WWOX: variants seen among roughly 807,000 people sequenced by gnomAD.
The protein encoded by WWOX is WW domain-containing oxidoreductase.
WWOX carries 69 observed loss-of-function variants against 46.2 expected under a neutral mutation model. That is an observed-to-expected ratio of 1.49 (90% CI 1.23 to 1.82). The LOEUF is 1.82. WWOX is among the 40% of genes most tolerant of loss of function. The pLI, the probability that WWOX is intolerant of heterozygous loss-of-function variation, is 0.00. For missense variants in WWOX, 919 were observed against 542.6 expected, an observed-to-expected ratio of 1.69 and a Z score of -6.89; for synonymous variants, 359 against 202.6, an observed-to-expected ratio of 1.77 and a Z score of -6.56.
intron 8 of WWOX, among the ~76,000 whole-genome samples, chr16:78,457,151 C>A (rs1186104121): frequency 1.3e-5 from 2 of 152,198 alleles, no homozygotes; most frequent in Non-Finnish European, 2.9e-5. Context: ...TCTGTGTCTG[C>A]ACCCTTTTTT....
chr16:78,303,945 C>G (rs981092015), intron 5 of WWOX, among the ~76,000 whole-genome samples: 6 of 152,210 alleles, frequency 3.9e-5, no homozygotes, highest in East Asian at 1.9e-4. Flanking sequence ...TGAATCTATA[C>G]GCAATTCTAG....
intron 8 of WWOX, among the ~76,000 whole-genome samples, chr16:78,509,908 T>G (rs886129589): frequency 7.1e-6 from 1 of 140,016 alleles, no homozygotes. Context: ...GGCAACATAG[T>G]GAGACCTCAT....
At chr16:79,090,273 C>CTG (rs777373628) in intron 8 of WWOX, among the ~76,000 whole-genome samples, 10 of 119,024 alleles carry the variant, frequency 8.4e-5, no homozygotes, top group East Asian at 5.1e-4. Context: ...ACAGATTCTA[C>CTG]TGTGTGCGTG....
chr16:78,313,457 C>T (rs1029743484), intron 5 of WWOX, among the ~76,000 whole-genome samples: 3 of 152,200 alleles, frequency 2.0e-5, no homozygotes, highest in South Asian at 4.1e-4. Context: ...AGCTCTGCCT[C>T]CCGTTTAAAG....
At chr16:78,735,613 C>T (rs1479221213) in intron 8 of WWOX, among the ~76,000 whole-genome samples, 2 of 152,242 alleles carry the variant, frequency 1.3e-5, no homozygotes, top group African/African-American at 2.4e-5. Context: ...TGGGCCTGCC[C>T]TGTACATGAG....
At chr16:78,654,316 A>G (rs1356321602) in intron 8 of WWOX, among the ~76,000 whole-genome samples, 4 of 152,260 alleles carry the variant, frequency 2.6e-5, no homozygotes, top group Non-Finnish European at 4.4e-5. Context: ...TTGTAAAAAT[A>G]TAAAATAATC....
intron 8 of WWOX, among the ~76,000 whole-genome samples, chr16:78,974,957 G>C (rs1356414418): frequency 6.6e-6 from 1 of 152,184 alleles, no homozygotes; most frequent in African/African-American, 2.4e-5. Flanking sequence ...CGGACCCAAA[G>C]GGAGATGGAC....
chr16:79,200,759 G>T (rs889910852), intron 8 of WWOX, among the ~76,000 whole-genome samples: 1 of 152,174 alleles, frequency 6.6e-6, no homozygotes, highest in South Asian at 2.1e-4. Context: ...TAGAAATGGT[G>T]AAAGGACTGG....
At chr16:78,640,901 T>C (rs1423630245) in intron 8 of WWOX, among the ~76,000 whole-genome samples, 3 of 144,910 alleles carry the variant, frequency 2.1e-5, no homozygotes, top group African/African-American at 7.7e-5. Flanking sequence ...ATCATGCCAC[T>C]GCACTCCAGT....
At chr16:79,025,088 A>G (rs555799368) in intron 8 of WWOX, among the ~76,000 whole-genome samples, 70 of 151,596 alleles carry the variant, frequency 4.6e-4, no homozygotes, top group African/African-American at 1.6e-3. Flanking sequence ...TTCCACTCCC[A>G]AGAGCAGTGA....
At chr16:78,863,023 A>T (rs890120931) in intron 8 of WWOX, among the ~76,000 whole-genome samples, 2 of 150,418 alleles carry the variant, frequency 1.3e-5, no homozygotes, top group Non-Finnish European at 3.0e-5. Context: ...CAGTGGTGCA[A>T]CCTTGGCTCA....
At chr16:78,579,737 A>G (rs959183058) in intron 8 of WWOX, among the ~76,000 whole-genome samples, 2 of 152,212 alleles carry the variant, frequency 1.3e-5, no homozygotes, top group Admixed American at 6.5e-5. Context: ...TTTAGAGAAA[A>G]CAAATATCAT....
At chr16:78,965,520 A>T (rs929157610) in intron 8 of WWOX, among the ~76,000 whole-genome samples, 1 of 151,710 alleles carries the variant, frequency 6.6e-6, no homozygotes, top group Non-Finnish European at 1.5e-5. Context: ...CAGTGAGCCG[A>T]GATGGCACCA....
chr16:78,686,849 C>T (rs754444292), intron 8 of WWOX, among the ~76,000 whole-genome samples: 7 of 152,274 alleles, frequency 4.6e-5, no homozygotes, highest in East Asian at 3.9e-4. Context: ...TCGAAACTCA[C>T]CCAGGAAGGC....
intron 8 of WWOX, among the ~76,000 whole-genome samples, chr16:79,027,572 C>G (rs1334707344): frequency 6.6e-6 from 1 of 151,734 alleles, no homozygotes; most frequent in African/African-American, 2.4e-5. Context: ...ATCAGCCTGT[C>G]ATTTGGACCT....
chr16:78,186,742 G>A (rs755248441), intron 5 of WWOX, among the ~76,000 whole-genome samples: 2 of 152,194 alleles, frequency 1.3e-5, no homozygotes, highest in Non-Finnish European at 2.9e-5. Flanking sequence ...TCCAGCCTGG[G>A]TGACAAAGTG....
At chr16:78,331,189 T>C (rs2080748149) in intron 5 of WWOX, among the ~76,000 whole-genome samples, 1 of 152,252 alleles carries the variant, frequency 6.6e-6, no homozygotes, top group Admixed American at 6.5e-5. Flanking sequence ...GCAACTAAAA[T>C]ATTCATTTGC....
rs181849496 is a variant in WWOX at position 78,177,279 on chromosome 16, T to G, written c.516+12990T>G. ...AAAATTGGCTGAAATTTAAAAATTT[T>G]GGGCAATTTTAATTTATCCAACATC... On this transcript the variant is annotated intron_variant, in intron 5 of 8. Coordinates refer to ENST00000566780, the MANE Select transcript of WWOX (RefSeq NM_016373.4). Among the ~76,000 whole-genome samples, 210 of 152,328 alleles carry G rather than the reference T, an allele frequency of 1.4e-3. 1 individual carries two copies. The highest frequency in any genetic ancestry group is 7.4e-4 in the Non-Finnish European group (50 of 68,026).
chr16:79,158,350 C>T (rs764747130), intron 8 of WWOX, among the ~76,000 whole-genome samples: 43 of 152,174 alleles, frequency 2.8e-4, no homozygotes, highest in Non-Finnish European at 2.4e-4. Flanking sequence ...ACACGTTGGA[C>T]AGGAGACTGA....
Sources: allele counts gnomAD v4.1 joint callset (sites outside exome capture counted in the v4.1 genomes callset), GRCh38; gene constraint gnomAD v4.1.1; transcripts MANE v1.5; gene names NCBI Gene and HGNC (gene_info 2026-07-23, HGNC 2026-07-21).